The following RAD23B variants were observed in gnomAD, a reference collection of about 807,000 sequenced individuals.
RAD23B encodes the protein lysine-specific demethylase RAD23B.
Under a neutral mutation model 49.1 loss-of-function variants are expected in RAD23B, and 5 were observed. That is an observed-to-expected ratio of 0.10 (90% CI 0.05 to 0.21). The LOEUF is 0.21. Among genes scored for constraint, RAD23B ranks in the 10% least tolerant of loss-of-function variants. RAD23B has a pLI of 1.00. For missense variants in RAD23B, 356 were observed against 486.7 expected (o/e 0.73, Z 2.53); for synonymous variants, 184 against 165.4 (o/e 1.11, Z -0.86).
intron 1 of RAD23B, among the ~76,000 whole-genome samples, chr9:107,291,687 T>C (rs1833387571): frequency 6.6e-6 from 1 of 152,166 alleles, no homozygotes; most frequent in African/African-American, 2.4e-5. Context: ...CAGGAAATAC[T>C]CTGGTGCCTG....
chr9:107,325,633 T>A (rs935169204), intron 9 of RAD23B, among the ~76,000 whole-genome samples: 3 of 152,220 alleles, frequency 2.0e-5, no homozygotes, highest in Non-Finnish European at 4.4e-5. Flanking sequence ...ATTCATTAAG[T>A]AGTTTGTGCA....
chr9:107,303,250 G>A (rs1309304771), intron 3 of RAD23B, among the ~76,000 whole-genome samples: 1 of 152,040 alleles, frequency 6.6e-6, no homozygotes, highest in Admixed American at 6.5e-5. Context: ...CTTCATCAAA[G>A]GCCAAAAGTG....
At chr9:107,322,145 G>A (rs762272130) in intron 7 of RAD23B, 27 bp downstream of exon 7, 2 of 1,566,438 alleles carry the variant, frequency 1.3e-6, no homozygotes, top group African/African-American at 2.7e-5. Context: ...TGGATGGGGA[G>A]GGAATGGCCC....
intron 9 of RAD23B, among the ~76,000 whole-genome samples, chr9:107,325,636 T>A (rs1827190047): frequency 6.6e-6 from 1 of 152,242 alleles, no homozygotes; most frequent in African/African-American, 2.4e-5. Context: ...CATTAAGTAG[T>A]TTGTGCATGT....
At chr9:107,327,952 A>G (rs957435269) in intron 9 of RAD23B, among the ~76,000 whole-genome samples, 9 of 152,162 alleles carry the variant, frequency 5.9e-5, no homozygotes, top group Non-Finnish European at 1.3e-4. Flanking sequence ...TTTTGTCTAT[A>G]GTAACAATTT....
intron 3 of RAD23B, among the ~76,000 whole-genome samples, chr9:107,304,698 C>T (rs757062716): frequency 2.6e-5 from 4 of 152,092 alleles, no homozygotes; most frequent in Non-Finnish European, 5.9e-5. Flanking sequence ...ACCTTTTGTC[C>T]TTGGGAAAGT....
intron 1 of RAD23B, chr9:107,284,885 C>G (rs760326068): frequency 7.9e-7 from 1 of 1,268,826 alleles, no homozygotes; most frequent in Non-Finnish European, 1.0e-6. Flanking sequence ...GGGATAATAC[C>G]TGCCTTGCAG....
intron 1 of RAD23B, among the ~76,000 whole-genome samples, chr9:107,288,342 C>CA (rs1180119195): frequency 1.3e-5 from 2 of 152,088 alleles, no homozygotes; most frequent in African/African-American, 2.4e-5. Context: ...ATAAAACTGT[C>CA]AAAAAATACA....
At position 107,330,091 on chromosome 9, in the gene RAD23B, TG is replaced by T. The variant is rs1827280822; in HGVS notation, c.*436del. 6.5e-6 allele frequency: 1 copy of T among 152,772 alleles called. No homozygotes were observed. The highest frequency in any genetic ancestry group is 2.4e-5 in the African/African-American group (1 of 41,470). 9.5% of individuals were successfully genotyped at this position (152,772 alleles called of 1,614,324 possible). The stretch of plus-strand genomic sequence containing the variant: ...ATGGCAACACTGGATAATGGCTTTG[TG>T]AAATTTAAAAAATTTTTGTAGCGAC... On this transcript the variant is annotated 3_prime_UTR_variant, in exon 10 of 10. Transcript: ENST00000358015. This position sits in a 1 kb window ranked among gnomAD's most constrained non-coding sequence, Gnocchi z 4.4.
chr9:107,311,934 T>TAG (rs1352926501), intron 5 of RAD23B, among the ~76,000 whole-genome samples, 197 bp downstream of exon 5: 1 of 152,250 alleles, frequency 6.6e-6, no homozygotes, highest in Non-Finnish European at 1.5e-5. Context: ...CTTTAAAACT[T>TAG]GCTCTGAGTT....
intron 1 of RAD23B, among the ~76,000 whole-genome samples, chr9:107,284,349 T>A (rs909492268): frequency 6.6e-6 from 1 of 152,098 alleles, no homozygotes; most frequent in African/African-American, 2.4e-5. Context: ...CTGTTAGAGC[T>A]CTTCACAGCC....
intron 1 of RAD23B, among the ~76,000 whole-genome samples, chr9:107,297,267 ATTAC>A (rs772906296): frequency 8.6e-5 from 13 of 151,850 alleles, no homozygotes; most frequent in Non-Finnish European, 1.8e-4. Flanking sequence ...TTAGTCTACA[ATTAC>A]TTCTTTAGCC....
At chr9:107,286,127 A>G (rs758743563) in intron 1 of RAD23B, among the ~76,000 whole-genome samples, 1 of 152,218 alleles carries the variant, frequency 6.6e-6, no homozygotes, top group Non-Finnish European at 1.5e-5. Flanking sequence ...TTTTACCTAG[A>G]AGGAACCAAG....
At chr9:107,327,211 T>G (rs1247998613) in intron 9 of RAD23B, among the ~76,000 whole-genome samples, 2 of 152,058 alleles carry the variant, frequency 1.3e-5, no homozygotes, top group African/African-American at 4.8e-5. Context: ...AAAATAACTT[T>G]GGGTTTTGTT....
Position 107,331,527 on chromosome 9 carries a change from A to G in RAD23B, c.*1871A>G, listed in dbSNP as rs769068900. On this transcript the variant is annotated 3_prime_UTR_variant, in exon 10 of 10. Coordinates refer to ENST00000358015, the MANE Select transcript of RAD23B (RefSeq NM_002874.5). ...CTGTATGTTTTATAATGGATCATGC[A>G]TAATTTCTCAGGAGAATAAAATGAG... 320 of 608,780 alleles carry G rather than the reference A, an allele frequency of 5.3e-4. No individual in the cohort carries two copies. The highest frequency in any genetic ancestry group is 5.2e-4 in the Non-Finnish European group (178 of 342,108). The allele number at this position is 608,780 out of a possible 1,614,324, so 37.7% of individuals were successfully genotyped here.
intron 4 of RAD23B, 130 bp downstream of exon 4, chr9:107,306,777 CTA>C: frequency 1.1e-5 from 11 of 1,004,524 alleles, no homozygotes; most frequent in Non-Finnish European, 1.6e-5. Context: ...AAATGTTTGA[CTA>C]AAACATATGC....
At chr9:107,291,769 A>T (rs1352396186) in intron 1 of RAD23B, among the ~76,000 whole-genome samples, 1 of 152,246 alleles carries the variant, frequency 6.6e-6, no homozygotes, top group African/African-American at 2.4e-5. Context: ...TAGTGTAAAC[A>T]TAAGAAATCC....
intron 6 of RAD23B, 86 bp from the exon 7 acceptor site, chr9:107,321,897 T>A: frequency 7.7e-7 from 1 of 1,295,304 alleles, no homozygotes; most frequent in Non-Finnish European, 1.0e-6. Context: ...TCAAACAAGA[T>A]GTTAAATAGA....
At chr9:107,310,402 A>G (rs1356860886) in intron 4 of RAD23B, among the ~76,000 whole-genome samples, 1 of 152,236 alleles carries the variant, frequency 6.6e-6, no homozygotes, top group Non-Finnish European at 1.5e-5. Flanking sequence ...GCAGGAAACC[A>G]AACTACACAT....
Sources: allele counts gnomAD v4.1 joint callset (sites outside exome capture counted in the v4.1 genomes callset), GRCh38; gene constraint gnomAD v4.1.1; non-coding constraint Gnocchi (gnomAD v3.1); transcripts MANE v1.5; gene names NCBI Gene and HGNC (gene_info 2026-07-23, HGNC 2026-07-21).